The following CNOT4 variants were observed in gnomAD, a reference collection of about 807,000 sequenced individuals.
CNOT4 encodes the protein CCR4-associated factor 4.
Under a neutral mutation model 73.8 loss-of-function variants are expected in CNOT4, and 8 were observed. The ratio of observed to expected loss-of-function variants is 0.11; its 90% CI spans 0.06 to 0.20. The LOEUF is 0.20. CNOT4 is among the 10% of genes least tolerant of loss of function. The pLI, the probability that CNOT4 is intolerant of heterozygous loss-of-function variation, is 1.00. For missense variants in CNOT4, 564 were observed against 883.4 expected, an observed-to-expected ratio of 0.64 and a Z score of 4.58; for synonymous variants, 293 against 321.1, an observed-to-expected ratio of 0.91 and a Z score of 0.94.
chr7:135,493,458 G>A (rs1195737592), intron 1 of CNOT4, among the ~76,000 whole-genome samples: 6 of 152,164 alleles, frequency 3.9e-5, no homozygotes, highest in Admixed American at 2.6e-4. Context: ...AGCAAAGTAC[G>A]AAGTAGACAA....
At position 135,364,674 on chromosome 7, in the gene CNOT4, T is replaced by C; in HGVS notation, c.1628-608A>G. On this transcript the variant is annotated intron_variant, in intron 10 of 11. Coordinates refer to ENST00000541284, the MANE Select transcript of CNOT4 (RefSeq NM_001190850.2). The surrounding 1 kb of genome is among the most constrained non-coding windows in gnomAD (Gnocchi z 4.3). ...TCACTAAGGCCGAGGAGGCAGGAGC[T>C]GATACCTTCTAGATGGAATAATTTC... Among the ~76,000 whole-genome samples the C allele has an allele frequency of 6.6e-6, 1 of 152,388 alleles. No homozygotes were observed. The highest frequency in any genetic ancestry group is 2.1e-4 in the South Asian group (1 of 4,832).
chr7:135,396,017 T>G (rs1004787631), intron 8 of CNOT4, 134 bp from the exon 9 acceptor site: 1 of 610,708 alleles, frequency 1.6e-6, no homozygotes, highest in African/African-American at 1.9e-5. Flanking sequence ...AATGAAAGCA[T>G]GAAGTTTCAG....
Position 135,411,551 on chromosome 7 carries a change from T to C in CNOT4, c.688-903A>G, listed in dbSNP as rs532552323. 4.6e-5 allele frequency among the ~76,000 whole-genome samples: 7 copies of C among 152,118 alleles called. No homozygotes were observed. In the South Asian group the frequency reaches 1.2e-3, roughly 27 times the overall value. ...TCAAAAGGCAATGTCACAAATATTA[T>C]GGGAAAAATTAGGCAAAGATTGCCT... is the stretch of plus-strand genomic sequence containing the variant. On this transcript the variant is annotated intron_variant, in intron 6 of 11. Transcript: ENST00000541284.
intron 10 of CNOT4, among the ~76,000 whole-genome samples, chr7:135,389,489 C>G (rs944096046): frequency 6.6e-6 from 1 of 151,074 alleles, no homozygotes; most frequent in Non-Finnish European, 1.5e-5. Context: ...AATGAGATGA[C>G]TACTTCTAGG....
In CNOT4 at chr7:135,445,024, A is replaced by G. The variant is rs557297826; in HGVS notation, c.-92-6601T>C. The G allele has an allele frequency of 1.8e-5, 15 of 811,118 alleles. No homozygotes were observed. In the African/African-American group the frequency reaches 2.2e-4, roughly 12 times the overall value. 50.2% of individuals were successfully genotyped at this position (811,118 alleles called of 1,614,324 possible). On this transcript the variant is annotated intron_variant, in intron 1 of 11. Transcript: ENST00000541284. ...GCTCACAATAAGGAAGAAATAACAG[A>G]TAAGTCTGTTGGTGGACAGCCTTCT...
chr7:135,490,055 C>A (rs1028022130), intron 1 of CNOT4, among the ~76,000 whole-genome samples: 3 of 152,134 alleles, frequency 2.0e-5, no homozygotes, highest in Non-Finnish European at 4.4e-5. Context: ...GTATATAACT[C>A]CTCTAGAAAT....
intron 1 of CNOT4, among the ~76,000 whole-genome samples, chr7:135,496,184 C>T (rs1803569421): frequency 6.6e-6 from 1 of 152,076 alleles, no homozygotes; most frequent in South Asian, 2.1e-4. Flanking sequence ...CCTCCACCTC[C>T]CGGGTTCAAG....
At chr7:135,474,450 T>G (rs1290999520) in intron 1 of CNOT4, among the ~76,000 whole-genome samples, 1 of 151,826 alleles carries the variant, frequency 6.6e-6, no homozygotes, top group African/African-American at 2.4e-5. Flanking sequence ...ACATCCAGCT[T>G]ATTTTTAGTA....
At chr7:135,497,880 T>C (rs1045403548) in intron 1 of CNOT4, among the ~76,000 whole-genome samples, 6 of 152,260 alleles carry the variant, frequency 3.9e-5, no homozygotes, top group Admixed American at 2.0e-4. Flanking sequence ...TACTTAGACA[T>C]TGTTTTACAA....
At chr7:135,392,656 A>G (rs975157548) in intron 10 of CNOT4, among the ~76,000 whole-genome samples, 12 of 152,140 alleles carry the variant, frequency 7.9e-5, no homozygotes, top group Admixed American at 7.2e-4. Context: ...TAATTAAATG[A>G]ACAAATAAGA....
Position 135,487,290 on chromosome 7 carries a change from T to C in CNOT4, c.-93+22599A>G, listed in dbSNP as rs186906733. On this transcript the variant is annotated intron_variant, in intron 1 of 11. Coordinates refer to ENST00000541284, the MANE Select transcript of CNOT4 (RefSeq NM_001190850.2). ...GGTCTCCCTCTCACCCAGGCTAGAG[T>C]GCAGTGATGCCATCACAGCTTACTG... Among the ~76,000 whole-genome samples, 95 of 152,182 alleles carry C rather than the reference T, an allele frequency of 6.2e-4. 1 individual carries two copies. Among genetic ancestry groups the C allele is most frequent in the African/African-American group, 2.3e-3 (94 of 41,530 alleles).
chr7:135,395,628 A>T lies in CNOT4; in HGVS notation c.1129+6T>A, dbSNP rs760123841. ...ATTACTAATACTTGGTACTATTGTTATATACCTGATGTGAAGAGGCTCTGT... is the reference window on the plus strand; with the variant it reads ...ATTACTAATACTTGGTACTATTGTTTTATACCTGATGTGAAGAGGCTCTGT... On this transcript the variant is annotated splice_donor_region_variant and intron_variant, in intron 9 of 11. Coordinates refer to ENST00000541284, the MANE Select transcript of CNOT4 (RefSeq NM_001190850.2). 6.2e-6 allele frequency: 10 copies of T among 1,613,122 alleles called. 1 individual carries two copies. The highest frequency in any genetic ancestry group is 4.5e-5 in the East Asian group (2 of 44,864).
intron 1 of CNOT4, chr7:135,444,591 C>A (rs1461346251): frequency 7.4e-7 from 1 of 1,351,812 alleles, no homozygotes; most frequent in East Asian, 2.3e-5. Context: ...ATGTGGAGTA[C>A]AGCACATACA....
rs532462778 is a variant in CNOT4, at chr7:135,465,714, CAT to C, written c.-92-27293_-92-27292del. On this transcript the variant is annotated intron_variant, in intron 1 of 11. Coordinates refer to ENST00000541284, the MANE Select transcript of CNOT4 (RefSeq NM_001190850.2). ...CTGTTTAGGTGTGGGCGAATGTAAGCATGTGTGTGTGTTTAACAAAAAAAAAA... is the reference window on the plus strand; with the variant it reads ...CTGTTTAGGTGTGGGCGAATGTAAGCGTGTGTGTGTTTAACAAAAAAAAAA... Among the ~76,000 whole-genome samples, 27 of 150,560 alleles carry C rather than the reference CAT, an allele frequency of 1.8e-4. 1 individual carries two copies. In the East Asian group the frequency reaches 5.1e-3, roughly 28 times the overall value.
intron 2 of CNOT4, among the ~76,000 whole-genome samples, chr7:135,426,345 G>A (rs1798494267): frequency 6.6e-6 from 1 of 152,182 alleles, no homozygotes; most frequent in Admixed American, 6.5e-5. Context: ...GCTCACGCCT[G>A]TAATCCCAGC....
At chr7:135,482,077 GAAGA>G (rs1416954489) in intron 1 of CNOT4, among the ~76,000 whole-genome samples, 1 of 152,128 alleles carries the variant, frequency 6.6e-6, no homozygotes, top group East Asian at 1.9e-4. Context: ...AAAGTAGCTA[GAAGA>G]AAGAATTTTA....
At chr7:135,440,485 A>T (rs1799413914) in intron 1 of CNOT4, among the ~76,000 whole-genome samples, 1 of 152,276 alleles carries the variant, frequency 6.6e-6, no homozygotes, top group South Asian at 2.1e-4. Flanking sequence ...TATAGCCTGG[A>T]TTCCTTCTAG....
chr7:135,431,287 G>T (rs1218540167), intron 2 of CNOT4, among the ~76,000 whole-genome samples: 1 of 152,190 alleles, frequency 6.6e-6, no homozygotes, highest in African/African-American at 2.4e-5. Flanking sequence ...TTAAAAAGCA[G>T]AGATTGGAAA....
chr7:135,384,493 G>C (rs1796016420), intron 10 of CNOT4: 1 of 562,462 alleles, frequency 1.8e-6, no homozygotes, highest in Non-Finnish European at 3.2e-6. Flanking sequence ...CACCGTGTTA[G>C]CCAGGATGGT....
Sources: gnomAD v4.1 joint callset for allele counts (sites outside exome capture counted in the v4.1 genomes callset) on GRCh38, gnomAD v4.1.1 for gene constraint, Gnocchi (gnomAD v3.1) non-coding constraint, MANE v1.5 for transcripts, NCBI Gene and HGNC (gene_info 2026-07-23, HGNC 2026-07-21) for gene names.